Variants in DHX35 observed in about 807,000 individuals in gnomAD.
DHX35 encodes probable ATP-dependent RNA helicase DHX35.
In DHX35, 84 loss-of-function variants were observed where a neutral mutation model predicts 99.6. The ratio of observed to expected loss-of-function variants is 0.84; its 90% CI spans 0.71 to 1.01. The LOEUF is 1.01. DHX35 is among the 50% of genes least tolerant of loss of function. DHX35 has a pLI of 0.00. For synonymous variants in DHX35, 331 were observed against 316.2 expected, an observed-to-expected ratio of 1.05 and a Z score of -0.50; for missense variants, 852 against 888.5, an observed-to-expected ratio of 0.96 and a Z score of 0.52.
At chr20:39,021,974 CTTT>C in intron 16 of DHX35, 39 bp downstream of exon 16, 1 of 1,603,310 alleles carries the variant, frequency 6.2e-7, no homozygotes, top group Non-Finnish European at 8.5e-7. Flanking sequence ...GTACCAGTCT[CTTT>C]TGCTTTGAGC....
intron 1 of DHX35, 50 bp downstream of exon 1, chr20:38,962,457 C>A: frequency 1.9e-6 from 3 of 1,595,284 alleles, no homozygotes; most frequent in Non-Finnish European, 1.7e-6. Flanking sequence ...TGACTTCGGT[C>A]TTGGCGCCGC....
intron 3 of DHX35, among the ~76,000 whole-genome samples, 175 bp from the exon 4 acceptor site, chr20:38,983,523 CT>C (rs2086204746): frequency 6.6e-6 from 1 of 152,122 alleles, no homozygotes; most frequent in Non-Finnish European, 1.5e-5. Context: ...AGTAAATCAC[CT>C]AACATTACCA....
chr20:38,971,132 C>T (rs56871487), intron 2 of DHX35, among the ~76,000 whole-genome samples: 3,158 of 152,080 alleles, frequency 0.021, 118 homozygotes, highest in African/African-American at 0.073. Context: ...GCGGGTGGAT[C>T]ACTTGAGACA....
At chr20:39,036,726 C>CCAAAAAAA (rs1568767834) in intron 21 of DHX35, among the ~76,000 whole-genome samples, 16 of 51,662 alleles carry the variant, frequency 3.1e-4, no homozygotes, top group African/African-American at 1.3e-3. Flanking sequence ...ACTGTCCCCC[C>CCAAAAAAA]AAAAAAAAAA....
At chr20:39,004,304 A>G (rs2086576800) in intron 11 of DHX35, among the ~76,000 whole-genome samples, 2 of 152,098 alleles carry the variant, frequency 1.3e-5, no homozygotes, top group African/African-American at 4.8e-5. Context: ...TGACCTTGTG[A>G]TCCGCCCACC....
At chr20:39,030,843 A>G in intron 20 of DHX35, 68 bp downstream of exon 20, 1 of 1,543,930 alleles carries the variant, frequency 6.5e-7, no homozygotes, top group Non-Finnish European at 8.9e-7. Context: ...TTTCTCCTGT[A>G]CATGTTTCTT....
At chr20:39,026,844 C>T (rs2086965308) in intron 18 of DHX35, among the ~76,000 whole-genome samples, 1 of 152,210 alleles carries the variant, frequency 6.6e-6, no homozygotes, top group East Asian at 1.9e-4. Context: ...CAAGGAGCAC[C>T]TAGTTGGAGA....
At chr20:38,985,715 G>A (rs2086239674) in intron 4 of DHX35, among the ~76,000 whole-genome samples, 1 of 152,124 alleles carries the variant, frequency 6.6e-6, no homozygotes, top group African/African-American at 2.4e-5. Flanking sequence ...TCCTGTTTGT[G>A]GTTTGGAATC....
chr20:38,969,341 A>G, intron 2 of DHX35, 127 bp downstream of exon 2: 2 of 1,158,396 alleles, frequency 1.7e-6, no homozygotes, highest in Non-Finnish European at 2.3e-6. Flanking sequence ...CCCTTACTGT[A>G]AGGGATGACT....
At chr20:38,974,023 T>C (rs571818745) in intron 3 of DHX35, among the ~76,000 whole-genome samples, 13 of 152,366 alleles carry the variant, frequency 8.5e-5, no homozygotes, top group African/African-American at 2.6e-4. Flanking sequence ...TGCTTGTCTT[T>C]GGTGAACGTA....
Position 39,030,727 on chromosome 20 carries a change from T to C in DHX35, c.1907T>C (p.Leu636Pro). 1 of 1,614,164 alleles carries C rather than the reference T, an allele frequency of 6.2e-7. No homozygotes were observed. Among genetic ancestry groups the C allele is most frequent in the Non-Finnish European group, 8.5e-7 (1 of 1,180,040 alleles). ...AGGACCATCCGTGATGACCATGAGC[T>C]GCACATACACCCTGCGTCAGTCCTC... is the stretch of plus-strand genomic sequence containing the variant. ...AYRTIRDDHELHIHPASVLYA... is the reference protein window; with the variant it reads ...AYRTIRDDHEPHIHPASVLYA... The change falls in exon 20 of 22, where the codon CTG (leucine) becomes CCG (proline). Residue 636 changes from leucine (L) to proline (P), a missense_variant. By Grantham distance (98) the Leu-to-Pro change is moderately conservative. Coordinates refer to ENST00000252011, the MANE Select transcript of DHX35 (RefSeq NM_021931.4).
At chr20:38,998,174 A>C (rs959620611) in intron 8 of DHX35, among the ~76,000 whole-genome samples, 1 of 152,258 alleles carries the variant, frequency 6.6e-6, no homozygotes, top group Non-Finnish European at 1.5e-5. Context: ...TGAAGTATTT[A>C]TTGATCCTGT....
At chr20:38,968,987 T>C (rs1415879957) in intron 1 of DHX35, 94 bp from the exon 2 acceptor site, 30 of 1,356,420 alleles carry the variant, frequency 2.2e-5, no homozygotes, top group Non-Finnish European at 2.8e-5. Context: ...GTATTGCTTC[T>C]TCTGTATATC....
chr20:38,979,472 T>C (rs1299062687), intron 3 of DHX35, among the ~76,000 whole-genome samples: 3 of 152,230 alleles, frequency 2.0e-5, no homozygotes, highest in Non-Finnish European at 4.4e-5. Context: ...GAATAAATGG[T>C]GAAAAGTTAA....
At position 39,028,481 on chromosome 20, in the gene DHX35, A is replaced by T. The variant is rs776053432; in HGVS notation, c.1865A>T (p.His622Leu). 6.2e-7 allele frequency: 1 copy of T among 1,614,222 alleles called. No homozygotes were observed. ...TTCTTCGCCAATGCAGCGAGGTTTC[A>T]TTCTACTGGAGCTTATAGGTAACAT... ...SGFFANAARF[H>L]STGAYRTIRD... Residue 622 changes from histidine to leucine, a missense_variant, in exon 19 of 22, where the codon CAT becomes CTT. By Grantham distance (99) the His-to-Leu change is moderately conservative. Coordinates refer to ENST00000252011, the MANE Select transcript of DHX35 (RefSeq NM_021931.4).
At position 38,988,897 on chromosome 20, in the gene DHX35, C is replaced by T; in HGVS notation, c.430C>T (p.Gln144Ter). 6.2e-7 allele frequency: 1 copy of T among 1,613,136 alleles called. No individual in the cohort carries two copies. Among genetic ancestry groups the T allele is most frequent in the South Asian group, 1.1e-5 (1 of 91,060 alleles). Residue 144 changes from glutamine (Q) to a stop codon, truncating the protein, a stop_gained, in exon 5 of 22, where the codon CAG (glutamine) becomes TAG (stop). Transcript: ENST00000252011. LOFTEE classifies it high-confidence loss of function. ...YCIRFDDCTD[Q>*]LATRIKFLTD... Reference sequence around the variant, plus strand: ...CATCCGCTTTGATGACTGCACCGACCAGCTGGCCACGAGAATTAAGGTAAA... The same window carrying T: ...CATCCGCTTTGATGACTGCACCGACTAGCTGGCCACGAGAATTAAGGTAAA...
At chr20:38,999,181 G>C (rs2086478220) in intron 8 of DHX35, among the ~76,000 whole-genome samples, 1 of 152,026 alleles carries the variant, frequency 6.6e-6, no homozygotes, top group South Asian at 2.1e-4. Context: ...TAACAAAATT[G>C]TCAAGGCATC....
rs2086560460 is a variant in DHX35 at position 39,003,629 on chromosome 20, A to G, written c.853-120A>G. The G allele has an allele frequency of 2.5e-6, 3 of 1,178,864 alleles. No homozygotes were observed. The South Asian group carries it at 4.7e-5, about 18-fold the overall frequency. 73.0% of individuals were successfully genotyped at this position (1,178,864 alleles called of 1,614,324 possible). On this transcript the variant is annotated intron_variant, in intron 10 of 21. Transcript: ENST00000252011. ...CCAGAGTGGAACATGACGGCACTGA[A>G]ATTCTTGAATCTGACCAAAATTAAA...
intron 8 of DHX35, 138 bp downstream of exon 8, chr20:38,995,018 T>G (rs2086405700): frequency 5.9e-6 from 4 of 674,396 alleles, no homozygotes; most frequent in Admixed American, 5.3e-5. Flanking sequence ...ATGTCCTAGA[T>G]TTCATATAAT....
Sources: allele counts gnomAD v4.1 joint callset (sites outside exome capture counted in the v4.1 genomes callset), GRCh38; gene constraint gnomAD v4.1.1; transcripts MANE v1.5; gene names NCBI Gene and HGNC (gene_info 2026-07-23, HGNC 2026-07-21).